Variants in TRPC4 observed in about 807,000 individuals in gnomAD.
TRPC4 encodes the protein transient receptor potential cation channel subfamily C member 4, also known as short transient receptor potential channel 4.
TRPC4 carries 49 observed loss-of-function variants against 99.4 expected under a neutral mutation model. That is an observed-to-expected ratio of 0.49 (90% CI 0.39 to 0.63). TRPC4 has a LOEUF of 0.63. Among genes scored for constraint, TRPC4 ranks in the 20% least tolerant of loss-of-function variants. The pLI is 0.00. For synonymous variants in TRPC4, 454 were observed against 425.9 expected (o/e 1.07, Z -0.81); for missense variants, 898 against 1,152.9 (o/e 0.78, Z 3.20).
intron 2 of TRPC4, among the ~76,000 whole-genome samples, chr13:37,748,895 T>C (rs1251276886): frequency 2.6e-5 from 4 of 152,088 alleles, no homozygotes; most frequent in African/African-American, 9.7e-5. Context: ...CAATAAACCA[T>C]TGCACTGGTT....
intron 2 of TRPC4, among the ~76,000 whole-genome samples, chr13:37,764,787 T>C (rs1474305456): frequency 6.7e-6 from 1 of 148,600 alleles, no homozygotes; most frequent in Non-Finnish European, 1.5e-5. Context: ...TCCCCTATCA[T>C]TGATAGATAT....
At chr13:37,684,501 TAGG>T (rs1038539964) in intron 4 of TRPC4, among the ~76,000 whole-genome samples, 5 of 152,132 alleles carry the variant, frequency 3.3e-5, no homozygotes, top group African/African-American at 1.2e-4. Context: ...TTTATCAGTG[TAGG>T]AGCATTCTTT....
chr13:37,704,759 T>C (rs1432643177), intron 3 of TRPC4, among the ~76,000 whole-genome samples: 1 of 152,202 alleles, frequency 6.6e-6, no homozygotes, highest in Non-Finnish European at 1.5e-5. Flanking sequence ...TCAGCCTCTT[T>C]ACTTTCTCTT....
At chr13:37,735,279 A>G (rs563529087) in intron 3 of TRPC4, among the ~76,000 whole-genome samples, 1 of 152,268 alleles carries the variant, frequency 6.6e-6, no homozygotes, top group East Asian at 1.9e-4. Flanking sequence ...CTCAAAATCA[A>G]CAAAAGTTTC....
At chr13:37,689,668 G>A (rs1953615840) in intron 4 of TRPC4, among the ~76,000 whole-genome samples, 1 of 152,280 alleles carries the variant, frequency 6.6e-6, no homozygotes, top group South Asian at 2.1e-4. Context: ...TCATTTAGCT[G>A]TGGTTGGGTC....
At chr13:37,763,991 G>GT (rs1221660336) in intron 2 of TRPC4, among the ~76,000 whole-genome samples, 1 of 151,668 alleles carries the variant, frequency 6.6e-6, no homozygotes, top group Non-Finnish European at 1.5e-5. Context: ...TTGTCCAGGT[G>GT]TACAGCCAGA....
chr13:37,850,581 A>G (rs750053837), intron 1 of TRPC4, among the ~76,000 whole-genome samples: 2 of 152,198 alleles, frequency 1.3e-5, no homozygotes, highest in Non-Finnish European at 2.9e-5. Flanking sequence ...CCATAAGAAT[A>G]TAATTTTTTT....
chr13:37,849,160 G>T (rs1958991595), intron 1 of TRPC4, among the ~76,000 whole-genome samples: 1 of 152,110 alleles, frequency 6.6e-6, no homozygotes, highest in Non-Finnish European at 1.5e-5. Context: ...TCATAGAAGG[G>T]TATCTCAGAG....
At chr13:37,715,716 A>G (rs1237338022) in intron 3 of TRPC4, among the ~76,000 whole-genome samples, 2 of 152,164 alleles carry the variant, frequency 1.3e-5, no homozygotes, top group Non-Finnish European at 2.9e-5. Flanking sequence ...CCGACCTCAT[A>G]AGGAATTATT....
chr13:37,863,582 C>T (rs1451616074), intron 1 of TRPC4, among the ~76,000 whole-genome samples: 2 of 151,488 alleles, frequency 1.3e-5, no homozygotes, highest in African/African-American at 4.8e-5. Flanking sequence ...AAAGTGTGAC[C>T]TCAGTGTGAT....
At chr13:37,772,851 G>A (rs1056685592) in intron 2 of TRPC4, among the ~76,000 whole-genome samples, 5 of 151,614 alleles carry the variant, frequency 3.3e-5, no homozygotes, top group Non-Finnish European at 7.4e-5. Context: ...GCATCAGGCC[G>A]CCCAACAGGG....
At chr13:37,685,365 T>A (rs1953431639) in intron 4 of TRPC4, among the ~76,000 whole-genome samples, 1 of 152,130 alleles carries the variant, frequency 6.6e-6, no homozygotes, top group Non-Finnish European at 1.5e-5. Flanking sequence ...ACTTGTTAGC[T>A]CCTTGATCCC....
intron 1 of TRPC4, among the ~76,000 whole-genome samples, chr13:37,830,297 CA>C (rs1237860762): frequency 6.6e-6 from 1 of 151,824 alleles, no homozygotes; most frequent in Non-Finnish European, 1.5e-5. Context: ...AAAAAGAAAA[CA>C]CACAGAAATA....
In TRPC4 at chr13:37,716,976, A is replaced by G. The variant is rs543539948; in HGVS notation, c.898-24641T>C. Among the ~76,000 whole-genome samples, 53 of 152,156 alleles carry G rather than the reference A, an allele frequency of 3.5e-4. 2 individuals are homozygous for G. The highest frequency in any genetic ancestry group is 6.8e-3 in the Middle Eastern group (2 of 294). ...AATATCATAGACTGAATACATGTTT[A>G]TATAACCAAACGCACACTCTTTGAT... On this transcript the variant is annotated intron_variant, in intron 3 of 10. Transcript: ENST00000379705.
chr13:37,766,197 G>A (rs1035395770), intron 2 of TRPC4, among the ~76,000 whole-genome samples: 1 of 151,362 alleles, frequency 6.6e-6, no homozygotes, highest in African/African-American at 2.4e-5. Flanking sequence ...GAGACTCCTA[G>A]AATTGTTGAC....
chr13:37,733,675 G>A (rs998953493), intron 3 of TRPC4, among the ~76,000 whole-genome samples: 5 of 152,010 alleles, frequency 3.3e-5, no homozygotes, highest in Non-Finnish European at 7.4e-5. Context: ...TTATGACCTA[G>A]TCTTTGTGTT....
Position 37,657,797 on chromosome 13 carries a change from T to A in TRPC4, c.1689-2514A>T, listed in dbSNP as rs545888561. Among the ~76,000 whole-genome samples, 31 of 152,298 alleles carry A rather than the reference T, an allele frequency of 2.0e-4. No individual in the cohort carries two copies. The East Asian group carries it at 5.4e-3, about 27-fold the overall frequency. ...AATACTTTTGCAAAATATTTATTGA[T>A]GTTTAAAAAAATTTAAAGGGGAAAA... On this transcript the variant is annotated intron_variant, in intron 6 of 10. Transcript: ENST00000379705.
intron 2 of TRPC4, among the ~76,000 whole-genome samples, chr13:37,770,956 T>G (rs1956536073): frequency 1.3e-5 from 2 of 151,684 alleles, no homozygotes; most frequent in South Asian, 2.1e-4. Context: ...CTATATCTTC[T>G]TTTATTGATG....
At chr13:37,777,737 A>G (rs9315511) in intron 2 of TRPC4, among the ~76,000 whole-genome samples, 35,711 of 151,976 alleles carry the variant, frequency 0.23, 5,022 homozygotes, top group East Asian at 0.65. Context: ...CTATTATTAC[A>G]TGATACCTTA....
Sources: gnomAD v4.1 joint callset for allele counts (sites outside exome capture counted in the v4.1 genomes callset) on GRCh38, gnomAD v4.1.1 for gene constraint, MANE v1.5 for transcripts, NCBI Gene and HGNC (gene_info 2026-07-23, HGNC 2026-07-21) for gene names.